RNF217: variants seen among roughly 807,000 people sequenced by gnomAD.
RNF217 encodes the protein ring finger protein 217.
A neutral mutation model predicts 57.8 loss-of-function variants in RNF217; 31 were observed. That is an observed-to-expected ratio of 0.54 (90% CI 0.40 to 0.72). The LOEUF (loss-of-function observed/expected upper bound fraction) is 0.72. Among genes scored for constraint, RNF217 ranks in the 30% least tolerant of loss-of-function variants. RNF217 has a pLI of 0.00. For missense variants in RNF217, 696 were observed against 708.3 expected (o/e 0.98, Z 0.20); for synonymous variants, 313 against 294.0 (o/e 1.06, Z -0.66).
chr6:124,990,305 A>G (rs1784513142), intron 1 of RNF217, among the ~76,000 whole-genome samples: 1 of 151,970 alleles, frequency 6.6e-6, no homozygotes, highest in Non-Finnish European at 1.5e-5. Flanking sequence ...ATCTTATCCA[A>G]TTTCTGGTAA....
In RNF217 at chr6:125,087,940, A is replaced by C. The variant is rs1037410989; in HGVS notation, c.*5003A>C. 1 of 151,946 alleles carries C rather than the reference A, an allele frequency of 6.6e-6. No homozygotes were observed. The highest frequency in any genetic ancestry group is 6.6e-5 in the Admixed American group (1 of 15,232). The allele number at this position is 151,946 out of a possible 1,614,324, so 9.4% of individuals were successfully genotyped here. A position where few individuals can be genotyped will look rare whatever the true frequency, so the allele number is the denominator to read the frequency against. ...GTTTTGCACACCAATCCCAAGTTTA[A>C]GCATATTTTGTATTTAAAGTTATAA... On this transcript the variant is annotated 3_prime_UTR_variant, in exon 6 of 6. Coordinates refer to ENST00000521654, the MANE Select transcript of RNF217 (RefSeq NM_001286398.3).
intron 5 of RNF217, 58 bp downstream of exon 5, chr6:125,081,565 C>A: frequency 1.5e-6 from 2 of 1,335,688 alleles, no homozygotes; most frequent in Non-Finnish European, 2.1e-6. Flanking sequence ...AGAGAGAATA[C>A]GAGTGTAAAT....
In RNF217 at chr6:125,082,964, C is replaced by T. The variant is rs756233372; in HGVS notation, c.*27C>T. The T allele has an allele frequency of 1.7e-5, 26 of 1,550,980 alleles. No homozygotes were observed. The highest frequency in any genetic ancestry group is 1.1e-4 in the East Asian group (5 of 44,104). ...ATGCAGATGATTTCATCCAGCTAAGCTGGTTGGAGTAGGAGCGATACCAAA... is the reference window on the plus strand; with the variant it reads ...ATGCAGATGATTTCATCCAGCTAAGTTGGTTGGAGTAGGAGCGATACCAAA... On this transcript the variant is annotated 3_prime_UTR_variant, in exon 6 of 6. Coordinates refer to ENST00000521654, the MANE Select transcript of RNF217 (RefSeq NM_001286398.3).
At chr6:124,988,988 C>G (rs1223607447) in intron 1 of RNF217, among the ~76,000 whole-genome samples, 1 of 152,024 alleles carries the variant, frequency 6.6e-6, no homozygotes, top group Non-Finnish European at 1.5e-5. Context: ...ACAGGGGTAT[C>G]ACCAAAATGC....
intron 1 of RNF217, among the ~76,000 whole-genome samples, chr6:124,997,085 G>T (rs1784784246): frequency 6.6e-6 from 1 of 152,122 alleles, no homozygotes; most frequent in Non-Finnish European, 1.5e-5. Context: ...TGTCAAAAAA[G>T]AATTTATTTT....
rs1304026734 is a variant in RNF217, at chr6:125,091,365, G to T, written c.*8428G>T. On this transcript the variant is annotated 3_prime_UTR_variant, in exon 6 of 6. Transcript: ENST00000521654. ...CTTGACTTTATTTCTTATCTAAAGA[G>T]CCATATATTTTTTGTGAGTGTTCTT... 1 of 151,936 alleles carries T rather than the reference G, an allele frequency of 6.6e-6. No individual in the cohort carries two copies. The highest frequency in any genetic ancestry group is 2.4e-5 in the African/African-American group (1 of 41,402). The allele number at this position is 151,936 out of a possible 1,614,324, so 9.4% of individuals were successfully genotyped here. A position where few individuals can be genotyped will look rare whatever the true frequency, so the allele number is the denominator to read the frequency against.
chr6:124,994,896 A>G (rs1437844182), intron 1 of RNF217, among the ~76,000 whole-genome samples: 1 of 152,208 alleles, frequency 6.6e-6, no homozygotes, highest in Non-Finnish European at 1.5e-5. Context: ...AAGAGATAGT[A>G]CTGAGAAAGT....
intron 1 of RNF217, among the ~76,000 whole-genome samples, chr6:125,032,469 A>G (rs1053261309): frequency 1.3e-5 from 2 of 151,564 alleles, no homozygotes; most frequent in Non-Finnish European, 2.9e-5. Context: ...ATATATAAAT[A>G]TATATATATA....
In RNF217 at chr6:125,085,612, CT is replaced by C. The variant is rs1788749041; in HGVS notation, c.*2677del. 1 of 151,798 alleles carries C rather than the reference CT, an allele frequency of 6.6e-6. No homozygotes were observed. Among genetic ancestry groups the C allele is most frequent in the Non-Finnish European group, 1.5e-5 (1 of 67,808 alleles). The allele number at this position is 151,798 out of a possible 1,614,324, so 9.4% of individuals were successfully genotyped here. ...AAAATAAATATCTTTCTATCCAAGGCTTGTCATTTTATATGCTTTTATTGTA... is the reference window on the plus strand; with the variant it reads ...AAAATAAATATCTTTCTATCCAAGGCTGTCATTTTATATGCTTTTATTGTA... On this transcript the variant is annotated 3_prime_UTR_variant, in exon 6 of 6. Transcript: ENST00000521654.
intron 1 of RNF217, among the ~76,000 whole-genome samples, chr6:125,032,820 TTAAG>T (rs979838054): frequency 6.6e-6 from 1 of 152,102 alleles, no homozygotes; most frequent in Admixed American, 6.6e-5. Context: ...GAAGAAAAGT[TTAAG>T]TAATGTAAAA....
intron 1 of RNF217, among the ~76,000 whole-genome samples, chr6:124,972,953 C>T (rs1783815396): frequency 1.3e-5 from 2 of 152,130 alleles, no homozygotes. Flanking sequence ...CATGTAAAGA[C>T]ATTATTAATC....
intron 4 of RNF217, among the ~76,000 whole-genome samples, chr6:125,080,566 G>T (rs1788537677): frequency 6.6e-6 from 1 of 151,940 alleles, no homozygotes; most frequent in African/African-American, 2.4e-5. Flanking sequence ...TATTGCATTT[G>T]AGTTGTGCGG....
Position 125,088,703 on chromosome 6 carries a change from G to A in RNF217, c.*5766G>A, listed in dbSNP as rs1304831015. On this transcript the variant is annotated 3_prime_UTR_variant, in exon 6 of 6. Transcript: ENST00000521654. ...TTTAAATACACAAAACATTGCCATT[G>A]CCCTTTTTTGTCACTTCCTTTTTTC... The A allele has an allele frequency of 6.6e-6, 1 of 152,012 alleles. No individual in the cohort carries two copies. Among genetic ancestry groups the A allele is most frequent in the Non-Finnish European group, 1.5e-5 (1 of 67,980 alleles). 9.4% of individuals were successfully genotyped at this position (152,012 alleles called of 1,614,324 possible).
chr6:125,017,494 A>G (rs1163804272), intron 1 of RNF217, among the ~76,000 whole-genome samples: 1 of 152,204 alleles, frequency 6.6e-6, no homozygotes, highest in Non-Finnish European at 1.5e-5. Flanking sequence ...TAAATTAGCT[A>G]TACAAAACAA....
chr6:125,055,381 T>A (rs1170988663), intron 2 of RNF217, among the ~76,000 whole-genome samples: 1 of 152,180 alleles, frequency 6.6e-6, no homozygotes, highest in Non-Finnish European at 1.5e-5. Context: ...CCAGAGTCCC[T>A]GGTTTGGACA....
At chr6:124,969,834 G>A (rs1055837846) in intron 1 of RNF217, among the ~76,000 whole-genome samples, 5 of 152,098 alleles carry the variant, frequency 3.3e-5, no homozygotes, top group African/African-American at 9.7e-5. Flanking sequence ...GAGTGATACT[G>A]GGGAGGGATT....
At chr6:125,057,509 CA>C (rs1437809630) in intron 2 of RNF217, among the ~76,000 whole-genome samples, 1 of 152,022 alleles carries the variant, frequency 6.6e-6, no homozygotes, top group Non-Finnish European at 1.5e-5. Flanking sequence ...TTTGATGAAG[CA>C]TCTGTGGGGC....
chr6:124,975,073 C>G (rs1466142765), intron 1 of RNF217, among the ~76,000 whole-genome samples: 2 of 152,126 alleles, frequency 1.3e-5, no homozygotes, highest in Non-Finnish European at 2.9e-5. Flanking sequence ...CAATAATATT[C>G]TCTACTGTAA....
At chr6:124,975,675 G>A (rs965939227) in intron 1 of RNF217, among the ~76,000 whole-genome samples, 14 of 152,088 alleles carry the variant, frequency 9.2e-5, no homozygotes, top group African/African-American at 2.9e-4. Context: ...GGGCTCAAGC[G>A]ATCTAACCAC....
Sources: gnomAD v4.1 joint callset for allele counts (sites outside exome capture counted in the v4.1 genomes callset) on GRCh38, gnomAD v4.1.1 for gene constraint, MANE v1.5 for transcripts, NCBI Gene and HGNC (gene_info 2026-07-23, HGNC 2026-07-21) for gene names.